The following LRP1B variants were observed in gnomAD, a reference collection of about 807,000 sequenced individuals.
LRP1B encodes low-density lipoprotein receptor-related protein 1B.
In LRP1B, 217 loss-of-function variants were observed where a neutral mutation model predicts 556.6. The ratio of observed to expected loss-of-function variants is 0.39; its 90% confidence interval spans 0.35 to 0.44. The LOEUF (loss-of-function observed/expected upper bound fraction) is 0.44, where lower values mean the gene tolerates loss of function less well. LRP1B is among the 20% of genes least tolerant of loss of function. The probability of loss-of-function intolerance (pLI) is 1.00; values close to 1 mark genes in which losing one functional copy is unlikely to be tolerated. For missense variants in LRP1B, 5,053 were observed against 5,620.8 expected (o/e 0.90, Z 3.23); for synonymous variants, 2,047 against 1,865.8 (o/e 1.10, Z -2.50).
intron 7 of LRP1B, among the ~76,000 whole-genome samples, chr2:141,086,738 T>A (rs1310595030): frequency 6.6e-6 from 1 of 151,968 alleles, no homozygotes; most frequent in Non-Finnish European, 1.5e-5. Context: ...CATTGCTCAG[T>A]GGTCCTGCAA....
intron 7 of LRP1B, among the ~76,000 whole-genome samples, chr2:141,098,173 T>C (rs1165669590): frequency 6.6e-6 from 1 of 152,206 alleles, no homozygotes; most frequent in Non-Finnish European, 1.5e-5. Flanking sequence ...GAAACTAAAA[T>C]GTGTCTCTAC....
intron 7 of LRP1B, among the ~76,000 whole-genome samples, chr2:141,139,971 A>C (rs1701602061): frequency 6.6e-6 from 1 of 152,116 alleles, no homozygotes; most frequent in African/African-American, 2.4e-5. Context: ...ATGAATAAAC[A>C]AACTGTGGTA....
At chr2:140,277,522 G>C (rs557293214) in intron 84 of LRP1B, among the ~76,000 whole-genome samples, 2 of 151,940 alleles carry the variant, frequency 1.3e-5, no homozygotes, top group Non-Finnish European at 2.9e-5. Context: ...AGGAGGCAGA[G>C]GTTTCAGTGA....
chr2:140,954,457 G>C (rs1264157416), intron 18 of LRP1B, among the ~76,000 whole-genome samples: 1 of 151,850 alleles, frequency 6.6e-6, no homozygotes, highest in East Asian at 1.9e-4. Context: ...AAACTTAGGA[G>C]CATATTAATC....
intron 86 of LRP1B, chr2:140,269,243 G>T (rs1682348224): frequency 2.1e-6 from 1 of 470,252 alleles, no homozygotes; most frequent in East Asian, 7.0e-5. Flanking sequence ...ACGAAGCGCA[G>T]CGATAAGTGG....
intron 1 of LRP1B, among the ~76,000 whole-genome samples, chr2:142,042,207 C>T (rs1704089723): frequency 6.6e-6 from 1 of 151,286 alleles, no homozygotes; most frequent in Admixed American, 6.6e-5. Context: ...ATAAGCCTTA[C>T]TTGGCAGTAA....
At chr2:141,638,165 C>A (rs1402351018) in intron 2 of LRP1B, among the ~76,000 whole-genome samples, 3 of 152,054 alleles carry the variant, frequency 2.0e-5, no homozygotes, top group Admixed American at 2.0e-4. Flanking sequence ...ACAGCCTGGG[C>A]AACAGAGCAA....
intron 3 of LRP1B, among the ~76,000 whole-genome samples, chr2:141,459,478 A>G (rs918609113): frequency 6.6e-6 from 1 of 152,052 alleles, no homozygotes; most frequent in Non-Finnish European, 1.5e-5. Context: ...AGTTCACTGC[A>G]ATTTCTTTAG....
intron 25 of LRP1B, among the ~76,000 whole-genome samples, chr2:140,872,180 C>T (rs191055014): frequency 2.0e-5 from 3 of 150,474 alleles, no homozygotes; most frequent in Admixed American, 2.0e-4. Flanking sequence ...TCTTTCACCC[C>T]CTGCTGCATG....
At chr2:140,827,335 T>A (rs1184272993) in intron 31 of LRP1B, among the ~76,000 whole-genome samples, 1 of 152,058 alleles carries the variant, frequency 6.6e-6, no homozygotes, top group Non-Finnish European at 1.5e-5. Flanking sequence ...GAATTCAAAA[T>A]GGTAGTTCTG....
intron 86 of LRP1B, among the ~76,000 whole-genome samples, chr2:140,261,034 G>A (rs976165897): frequency 7.5e-6 from 1 of 133,142 alleles, no homozygotes; most frequent in Non-Finnish European, 1.6e-5. Context: ...GAGAATGTTG[G>A]TGAGATATAT....
chr2:141,910,692 G>A (rs1235580362), intron 1 of LRP1B, among the ~76,000 whole-genome samples: 1 of 151,964 alleles, frequency 6.6e-6, no homozygotes, highest in East Asian at 1.9e-4. Flanking sequence ...TATACCTTGG[G>A]ATTGCTAAGT....
At chr2:141,770,517 G>A (rs981150583) in intron 2 of LRP1B, among the ~76,000 whole-genome samples, 9 of 152,264 alleles carry the variant, frequency 5.9e-5, no homozygotes, top group African/African-American at 9.6e-5. Context: ...TACAAACAGC[G>A]TCATAACTGA....
intron 51 of LRP1B, among the ~76,000 whole-genome samples, chr2:140,512,405 A>G (rs1689707197): frequency 6.6e-6 from 1 of 152,192 alleles, no homozygotes; most frequent in South Asian, 2.1e-4. Flanking sequence ...CTGGAGATAT[A>G]CTGCCTTTCT....
intron 1 of LRP1B, among the ~76,000 whole-genome samples, chr2:142,044,142 T>C (rs1208159812): frequency 6.6e-6 from 1 of 151,798 alleles, no homozygotes; most frequent in Non-Finnish European, 1.5e-5. Flanking sequence ...TTGGGTCCAT[T>C]GTCTAGAACT....
chr2:142,097,497 G>A (rs556610678), intron 1 of LRP1B, among the ~76,000 whole-genome samples: 2 of 151,598 alleles, frequency 1.3e-5, no homozygotes, highest in Non-Finnish European at 3.0e-5. Context: ...AAATTTTAAG[G>A]TAGATTACTT....
At chr2:140,985,550 T>G (rs1446426589) in intron 17 of LRP1B, among the ~76,000 whole-genome samples, 1 of 151,822 alleles carries the variant, frequency 6.6e-6, no homozygotes, top group Non-Finnish European at 1.5e-5. Flanking sequence ...TCATCTTCAG[T>G]CTCTGGGTCT....
rs547672426 is a variant in LRP1B at position 140,841,381 on chromosome 2, G to A, written c.4940-289C>T. ...CACTTAGGAGCAAACACAGGCAGCA[G>A]TCTTATGAGCCAAGGTAACCAAAAT... is the stretch of plus-strand genomic sequence containing the variant. On this transcript the variant is annotated intron_variant, in intron 29 of 90. Transcript: ENST00000389484. 1.2e-4 allele frequency among the ~76,000 whole-genome samples: 19 copies of A among 152,264 alleles called. No individual in the cohort carries two copies. The East Asian group carries it at 3.7e-3, about 29-fold the overall frequency.
chr2:140,284,941 TA>T (rs754087026), intron 84 of LRP1B, among the ~76,000 whole-genome samples: 1 of 150,870 alleles, frequency 6.6e-6, no homozygotes, highest in Non-Finnish European at 1.5e-5. Flanking sequence ...TATCTATATA[TA>T]ACTCTGTATA....
Sources: gnomAD v4.1 joint callset for allele counts (sites outside exome capture counted in the v4.1 genomes callset) on GRCh38, gnomAD v4.1.1 for gene constraint, MANE v1.5 for transcripts, NCBI Gene and HGNC (gene_info 2026-07-23, HGNC 2026-07-21) for gene names.